MEI4: variants seen among roughly 807,000 people sequenced by gnomAD.
MEI4 encodes the protein meiosis-specific protein MEI4.
MEI4 carries 27 observed loss-of-function variants against 31.4 expected under a neutral mutation model. The observed-to-expected ratio is 0.86, with a 90% CI of 0.63 to 1.19. The LOEUF (loss-of-function observed/expected upper bound fraction) is 1.19, where lower values mean the gene tolerates loss of function less well. Ranked by LOEUF, MEI4 falls within the 50% of genes most tolerant of loss-of-function variation. The pLI is 0.00. For synonymous variants in MEI4, 122 were observed against 145.4 expected (o/e 0.84, Z 1.16); for missense variants, 329 against 398.9 (o/e 0.82, Z 1.49).
At chr6:77,903,415 T>G (rs1214021474) in intron 4 of MEI4, among the ~76,000 whole-genome samples, 4 of 152,192 alleles carry the variant, frequency 2.6e-5, no homozygotes, top group Non-Finnish European at 5.9e-5. Context: ...TGTAATCTAA[T>G]GTAAGTGTTC....
At chr6:77,724,933 C>A (rs4125587) in intron 2 of MEI4, among the ~76,000 whole-genome samples, 8,203 of 132,468 alleles carry the variant, frequency 0.062, 127 homozygotes, top group African/African-American at 0.14. Flanking sequence ...TCTATTATAC[C>A]GCTTCCAGGG....
intron 4 of MEI4, among the ~76,000 whole-genome samples, chr6:77,848,466 C>A (rs1187938698): frequency 6.6e-6 from 1 of 152,148 alleles, no homozygotes; most frequent in Non-Finnish European, 1.5e-5. Flanking sequence ...GAGTGACAGG[C>A]ACATTATGTC....
At chr6:77,919,393 T>G (rs1766647062) in intron 4 of MEI4, among the ~76,000 whole-genome samples, 1 of 152,036 alleles carries the variant, frequency 6.6e-6, no homozygotes, top group African/African-American at 2.4e-5. Context: ...TGCTCCTGAA[T>G]GACTACTGGA....
intron 4 of MEI4, among the ~76,000 whole-genome samples, chr6:77,875,178 G>T (rs1347818105): frequency 2.0e-5 from 3 of 151,986 alleles, no homozygotes; most frequent in Non-Finnish European, 4.4e-5. Context: ...CTCCTGTTTT[G>T]GTCTCTCTCA....
intron 4 of MEI4, among the ~76,000 whole-genome samples, chr6:77,883,744 A>ATATATACATATATATATATACACACAT (rs1491236242): frequency 1.6e-5 from 2 of 124,978 alleles, no homozygotes; most frequent in African/African-American, 6.7e-5. Context: ...ATATATATAT[A>ATATATACATATATATATATACACACAT]ACTTTGTCTT....
At chr6:77,738,584 T>C (rs184555890) in intron 2 of MEI4, among the ~76,000 whole-genome samples, 5 of 151,992 alleles carry the variant, frequency 3.3e-5, no homozygotes, top group Admixed American at 2.6e-4. Flanking sequence ...GTAGAATGAT[T>C]TATAATCATT....
intron 4 of MEI4, among the ~76,000 whole-genome samples, chr6:77,897,934 G>A (rs958836636): frequency 1.3e-5 from 2 of 151,992 alleles, no homozygotes; most frequent in African/African-American, 4.8e-5. Context: ...CTAGGTTATG[G>A]GGAGAGAGAG....
At chr6:77,798,440 T>A (rs2127699039) in intron 3 of MEI4, among the ~76,000 whole-genome samples, 1 of 151,774 alleles carries the variant, frequency 6.6e-6, no homozygotes, top group South Asian at 2.1e-4. Flanking sequence ...AAAAAATAGG[T>A]TCCAACTATA....
At chr6:77,855,749 A>G (rs1770731906) in intron 4 of MEI4, among the ~76,000 whole-genome samples, 1 of 152,212 alleles carries the variant, frequency 6.6e-6, no homozygotes, top group South Asian at 2.1e-4. Context: ...AGTGGATTAC[A>G]TAGAACTTTA....
chr6:77,864,368 A>C (rs1770958536), intron 4 of MEI4, among the ~76,000 whole-genome samples: 1 of 152,186 alleles, frequency 6.6e-6, no homozygotes, highest in African/African-American at 2.4e-5. Flanking sequence ...TAGGCTCAAA[A>C]TAAAGGGATG....
chr6:77,884,071 T>C (rs1358822856), intron 4 of MEI4, among the ~76,000 whole-genome samples: 1 of 152,058 alleles, frequency 6.6e-6, no homozygotes, highest in African/African-American at 2.4e-5. Context: ...TAAGATGATA[T>C]CTCATTTTGT....
intron 3 of MEI4, among the ~76,000 whole-genome samples, chr6:77,824,667 G>C (rs1769901862): frequency 6.8e-6 from 1 of 146,234 alleles, no homozygotes; most frequent in Non-Finnish European, 1.5e-5. Context: ...AAAAAAAAAA[G>C]ATCTAGGTCT....
chr6:77,860,033 A>C (rs1770831655), intron 4 of MEI4, among the ~76,000 whole-genome samples: 1 of 152,208 alleles, frequency 6.6e-6, no homozygotes, highest in Non-Finnish European at 1.5e-5. Flanking sequence ...CAGAATAACC[A>C]AATCTTACAG....
At chr6:77,838,419 G>A (rs973467573) in intron 4 of MEI4, among the ~76,000 whole-genome samples, 19 of 152,086 alleles carry the variant, frequency 1.2e-4, no homozygotes, top group Admixed American at 9.8e-4. Context: ...ATTGAAAGAT[G>A]TTTTATGGGA....
At chr6:77,751,895 G>A (rs191170655) in intron 2 of MEI4, among the ~76,000 whole-genome samples, 3 of 152,244 alleles carry the variant, frequency 2.0e-5, no homozygotes, top group Non-Finnish European at 2.9e-5. Flanking sequence ...GAATCCAGCA[G>A]CACATCATCA....
intron 3 of MEI4, among the ~76,000 whole-genome samples, chr6:77,768,571 G>A (rs1212474026): frequency 2.6e-5 from 4 of 151,962 alleles, no homozygotes; most frequent in Non-Finnish European, 5.9e-5. Flanking sequence ...ATGGTGGCAT[G>A]CACCTGTAGT....
At position 77,797,111 on chromosome 6, in the gene MEI4, C is replaced by T. The variant is rs144593238; in HGVS notation, c.769-31820C>T. 1.5e-3 allele frequency among the ~76,000 whole-genome samples: 222 copies of T among 152,264 alleles called. 1 individual carries two copies. The highest frequency in any genetic ancestry group is 4.6e-3 in the African/African-American group (191 of 41,564). On this transcript the variant is annotated intron_variant, in intron 3 of 4. Transcript: ENST00000684080. ...GTTAAAGGATAGTCTCTTTAATAAACGGTGTTGGGAAAATTGGATATCCAC... is the reference window on the plus strand; with the variant it reads ...GTTAAAGGATAGTCTCTTTAATAAATGGTGTTGGGAAAATTGGATATCCAC...
intron 3 of MEI4, among the ~76,000 whole-genome samples, chr6:77,774,112 A>G (rs1029758681): frequency 2.0e-5 from 3 of 152,212 alleles, no homozygotes; most frequent in Middle Eastern, 3.4e-3. Context: ...TGAGTTTCTC[A>G]GAAGAATAAA....
intron 4 of MEI4, among the ~76,000 whole-genome samples, chr6:77,835,082 A>G (rs182351269): frequency 4.0e-5 from 6 of 150,722 alleles, no homozygotes; most frequent in Admixed American, 4.0e-4. Context: ...GAACCCTGAT[A>G]TAATTATAAT....
Sources: allele counts gnomAD v4.1 joint callset (sites outside exome capture counted in the v4.1 genomes callset), GRCh38; gene constraint gnomAD v4.1.1; transcripts MANE v1.5; gene names NCBI Gene and HGNC (gene_info 2026-07-23, HGNC 2026-07-21).